The following LVRN variants were observed in gnomAD, a reference collection of about 807,000 sequenced individuals.
The protein encoded by LVRN is laeverin, also known as aminopeptidase Q.
In LVRN, 99 loss-of-function variants were observed where a neutral mutation model predicts 111.4. That is an observed-to-expected ratio of 0.89 (90% confidence interval 0.76 to 1.05). The LOEUF is 1.05. Among genes scored for constraint, LVRN ranks in the 50% least tolerant of loss-of-function variants. The probability of loss-of-function intolerance (pLI) is 0.00; values close to 1 mark genes in which losing one functional copy is unlikely to be tolerated. For missense variants in LVRN, 1,414 were observed against 1,206.8 expected, an observed-to-expected ratio of 1.17 and a Z score of -2.54; for synonymous variants, 488 against 449.5, an observed-to-expected ratio of 1.09 and a Z score of -1.08.
chr5:115,983,460 G>A (rs1389168361), intron 2 of LVRN, 31 bp downstream of exon 2: 1 of 1,564,550 alleles, frequency 6.4e-7, no homozygotes, highest in Non-Finnish European at 8.6e-7. Flanking sequence ...ATATCTAGCT[G>A]TCTATCTATA....
At chr5:115,972,301 G>GTA (rs1753344997) in intron 1 of LVRN, among the ~76,000 whole-genome samples, 2 of 152,000 alleles carry the variant, frequency 1.3e-5, no homozygotes, top group African/African-American at 4.8e-5. Flanking sequence ...ATGTTTCACT[G>GTA]TATATATCTT....
Position 116,010,779 on chromosome 5 carries a change from C to G in LVRN, c.2132C>G (p.Thr711Ser). 1 of 1,608,790 alleles carries G rather than the reference C, an allele frequency of 6.2e-7. No individual in the cohort carries two copies. The change falls in exon 14 of 20, where the codon ACC becomes AGC. Residue 711 changes from threonine to serine, a missense_variant. By Grantham distance (58) the Thr-to-Ser change is moderately conservative. Transcript: ENST00000357872. The part of the protein sequence containing the change: ...YIEIETALEL[T>S]KYLAEEDEII... Reference sequence around the variant, plus strand: ...GAGATTGAAACAGCACTTGAGTTAACCAAGTACCTTGCTGAAGAAGATGAA... The same window carrying G: ...GAGATTGAAACAGCACTTGAGTTAAGCAAGTACCTTGCTGAAGAAGATGAA...
At chr5:115,991,699 A>G (rs1285072725) in intron 4 of LVRN, among the ~76,000 whole-genome samples, 1 of 152,228 alleles carries the variant, frequency 6.6e-6, no homozygotes, top group African/African-American at 2.4e-5. Flanking sequence ...GATTTTAGCC[A>G]TTCTAGTAGG....
chr5:116,017,081 G>C (rs949882654), intron 18 of LVRN, among the ~76,000 whole-genome samples: 3 of 152,180 alleles, frequency 2.0e-5, no homozygotes, highest in Non-Finnish European at 4.4e-5. Context: ...GGGGATTTAA[G>C]GGGAAGAAAG....
intron 3 of LVRN, among the ~76,000 whole-genome samples, chr5:115,985,606 G>C (rs76795100): frequency 5.3e-5 from 8 of 152,140 alleles, no homozygotes; most frequent in African/African-American, 1.9e-4. Context: ...TAGTGGATTA[G>C]CATTTAAAAT....
chr5:116,022,956 A>G (rs767590364), intron 19 of LVRN, among the ~76,000 whole-genome samples: 14 of 152,214 alleles, frequency 9.2e-5, no homozygotes, highest in Non-Finnish European at 1.9e-4. Flanking sequence ...TCCTCTAGTT[A>G]TACTGTACCA....
rs771622546 is a variant in LVRN at position 115,999,920 on chromosome 5, T to A, written c.1515+18T>A. On this transcript the variant is annotated intron_variant, in intron 7 of 19. Coordinates refer to ENST00000357872, the MANE Select transcript of LVRN (RefSeq NM_173800.5). Reference sequence around the variant, plus strand: ...ACAGCAAGGTAAAAGCAGTTAGAAATTTCCTTTGGTTTTGTACTCTGGTAG... The same window carrying A: ...ACAGCAAGGTAAAAGCAGTTAGAAAATTCCTTTGGTTTTGTACTCTGGTAG... 1.3e-6 allele frequency: 2 copies of A among 1,598,646 alleles called. No individual in the cohort carries two copies. Among genetic ancestry groups the A allele is most frequent in the Admixed American group, 3.6e-5 (2 of 55,282 alleles).
At position 116,002,819 on chromosome 5, in the gene LVRN, A is replaced by T; in HGVS notation, c.1821-16A>T. 6.4e-7 allele frequency: 1 copy of T among 1,566,422 alleles called. No homozygotes were observed. The highest frequency in any genetic ancestry group is 8.7e-7 in the Non-Finnish European group (1 of 1,143,762). ...TGTGTGAAAAGTAACTAATTTTTTT[A>T]TTTTCTTCCAATAAGTGACACATGG... On this transcript the variant is annotated splice_polypyrimidine_tract_variant and intron_variant, in intron 10 of 19. Transcript: ENST00000357872.
intron 19 of LVRN, 137 bp from the exon 20 acceptor site, chr5:116,025,841 C>G (rs1386499977): frequency 8.6e-5 from 94 of 1,089,732 alleles, no homozygotes; most frequent in Non-Finnish European, 1.1e-4. Context: ...GACACACAAC[C>G]TAGGAGTATA....
chr5:116,005,927 C>G lies in LVRN; in HGVS notation c.2053C>G (p.His685Asp), dbSNP rs1444478545. 1 of 1,598,196 alleles carries G rather than the reference C, an allele frequency of 6.3e-7. No homozygotes were observed. Among genetic ancestry groups the G allele is most frequent in the Middle Eastern group, 1.7e-4 (1 of 6,046 alleles). The change falls in exon 13 of 20, where the codon CAC becomes GAC. Residue 685 changes from histidine to aspartate, a missense_variant. Physicochemically the swap from His to Asp is moderately conservative, Grantham distance 81 (BLOSUM62 -1). Coordinates refer to ENST00000357872, the MANE Select transcript of LVRN (RefSeq NM_173800.5). ...EKDPKAIPVIHRLQLIDDAFS... is the reference protein window; with the variant it reads ...EKDPKAIPVIDRLQLIDDAFS... ...AATTCTGCAGGCGATTCCTGTTATTCACAGACTGCAGTTGATTGATGATGC... is the reference window on the plus strand; with the variant it reads ...AATTCTGCAGGCGATTCCTGTTATTGACAGACTGCAGTTGATTGATGATGC...
At chr5:116,007,635 T>C (rs1748402629) in intron 13 of LVRN, among the ~76,000 whole-genome samples, 1 of 152,176 alleles carries the variant, frequency 6.6e-6, no homozygotes, top group Admixed American at 6.5e-5. Flanking sequence ...AGCTCCTCAA[T>C]GGTAGGCAAG....
chr5:115,987,985 G>A (rs748596953), intron 4 of LVRN, 46 bp downstream of exon 4: 1 of 1,587,578 alleles, frequency 6.3e-7, no homozygotes, highest in South Asian at 1.2e-5. Flanking sequence ...CCTGTTATTT[G>A]GGCCCTTGGT....
chr5:115,983,571 G>T (rs867092286), intron 2 of LVRN, 142 bp downstream of exon 2: 9 of 934,198 alleles, frequency 9.6e-6, no homozygotes, highest in Middle Eastern at 3.5e-4. Flanking sequence ...AGTCACCTGG[G>T]ATATGTGTCA....
chr5:115,972,407 A>G (rs184063473), intron 1 of LVRN, among the ~76,000 whole-genome samples: 135 of 151,276 alleles, frequency 8.9e-4, no homozygotes, highest in African/African-American at 3.2e-3. Flanking sequence ...ATTGTTGCTA[A>G]TTAATTTTTG....
chr5:115,977,584 A>T (rs1257930657), intron 1 of LVRN, among the ~76,000 whole-genome samples: 1 of 152,176 alleles, frequency 6.6e-6, no homozygotes, highest in Non-Finnish European at 1.5e-5. Context: ...GTTAATCTCT[A>T]GTCGTCTTCA....
At chr5:115,983,521 T>A in intron 2 of LVRN, 92 bp downstream of exon 2, 2 of 1,374,684 alleles carry the variant, frequency 1.5e-6, no homozygotes, top group East Asian at 4.9e-5. Context: ...CAGTGTATTA[T>A]GGTGTATTAT....
At chr5:116,003,485 G>A (rs1309381225) in intron 12 of LVRN, 105 bp downstream of exon 12, 11 of 681,730 alleles carry the variant, frequency 1.6e-5, no homozygotes, top group Non-Finnish European at 2.4e-5. Context: ...CTTCATTCCC[G>A]CCCCTCACCT....
At position 116,026,103 on chromosome 5, in the gene LVRN, A is replaced by C. The variant is rs1463926126; in HGVS notation, c.2958A>C (p.Leu986=). The change falls in exon 20 of 20, where the codon CTA becomes CTC. Residue 986 remains leucine, a synonymous_variant. Transcript: ENST00000357872. ...TAAGTGCCAGGATAGCTGCGTGGCT[A>C]AGGAGAAACACATAGCTTGTGGCTA... ...KKLSARIAAW[L]RRNT 1 of 1,613,804 alleles carries C rather than the reference A, an allele frequency of 6.2e-7. No individual in the cohort carries two copies. Among genetic ancestry groups the C allele is most frequent in the Non-Finnish European group, 8.5e-7 (1 of 1,179,788 alleles).
chr5:115,992,003 C>A, intron 4 of LVRN, 120 bp from the exon 5 acceptor site: 1 of 910,556 alleles, frequency 1.1e-6, no homozygotes, highest in Non-Finnish European at 1.6e-6. Flanking sequence ...TCTCTCCGTT[C>A]AGGTTATAAA....
Sources: allele counts gnomAD v4.1 joint callset (sites outside exome capture counted in the v4.1 genomes callset), GRCh38; gene constraint gnomAD v4.1.1; transcripts MANE v1.5; gene names NCBI Gene and HGNC (gene_info 2026-07-23, HGNC 2026-07-21).